The following SMARCC1 variants were observed in gnomAD, a reference collection of about 807,000 sequenced individuals.
SMARCC1 encodes SWI/SNF related BAF chromatin remodeling complex subunit C1.
Under a neutral mutation model 147.4 loss-of-function variants are expected in SMARCC1, and 43 were observed. The ratio of observed to expected loss-of-function variants is 0.29; its 90% CI spans 0.23 to 0.38. The LOEUF (loss-of-function observed/expected upper bound fraction) is 0.38, where lower values mean the gene tolerates loss of function less well. Ranked by LOEUF, SMARCC1 falls within the 10% of genes least tolerant of loss-of-function variation. The pLI is 1.00. For missense variants in SMARCC1, 1,119 were observed against 1,381.1 expected (o/e 0.81, Z 3.01); for synonymous variants, 495 against 484.4 (o/e 1.02, Z -0.29).
intron 2 of SMARCC1, among the ~76,000 whole-genome samples, chr3:47,749,611 G>GGA (rs2034603374): frequency 8.9e-6 from 1 of 112,448 alleles, no homozygotes; most frequent in Non-Finnish European, 2.0e-5. Context: ...AGGCTACAGT[G>GGA]AGCTGTGACC....
At chr3:47,590,225 G>A (rs1256318614) in intron 27 of SMARCC1, among the ~76,000 whole-genome samples, 1 of 152,136 alleles carries the variant, frequency 6.6e-6, no homozygotes, top group East Asian at 1.9e-4. Context: ...TAACAAAAAT[G>A]GCTATAAGAA....
intron 11 of SMARCC1, among the ~76,000 whole-genome samples, chr3:47,699,498 A>AGTG (rs1243648943): frequency 2.6e-5 from 4 of 152,054 alleles, no homozygotes; most frequent in African/African-American, 9.7e-5. Context: ...AGCTTCTCCT[A>AGTG]GTATTCTTAA....
At chr3:47,713,393 G>A (rs1432789060) in intron 8 of SMARCC1, among the ~76,000 whole-genome samples, 1 of 152,012 alleles carries the variant, frequency 6.6e-6, no homozygotes, top group Non-Finnish European at 1.5e-5. Context: ...ACCAAGTAGT[G>A]CTTTGTTTTG....
At chr3:47,623,383 CAACCATGCAACTT>C (rs1440675932) in intron 24 of SMARCC1, among the ~76,000 whole-genome samples, 1 of 152,044 alleles carries the variant, frequency 6.6e-6, no homozygotes, top group Non-Finnish European at 1.5e-5. Context: ...AACCTAGGAG[CAACCATGCAACTT>C]AATACAGGCT....
At chr3:47,618,121 A>G (rs2032672448) in intron 25 of SMARCC1, among the ~76,000 whole-genome samples, 1 of 152,188 alleles carries the variant, frequency 6.6e-6, no homozygotes, top group East Asian at 1.9e-4. Flanking sequence ...GAAGAATTCA[A>G]GCAGAGCAGC....
At chr3:47,699,338 A>G (rs1299398384) in intron 11 of SMARCC1, among the ~76,000 whole-genome samples, 6 of 152,138 alleles carry the variant, frequency 3.9e-5, no homozygotes, top group Non-Finnish European at 8.8e-5. Flanking sequence ...TTATTTTTTT[A>G]TCCTTTAATC....
chr3:47,689,547 A>T, intron 12 of SMARCC1, 123 bp from the exon 13 acceptor site: 2 of 754,136 alleles, frequency 2.7e-6, no homozygotes. Flanking sequence ...TGCATTATTA[A>T]AGCAAAATCA....
Position 47,587,667 on chromosome 3 carries a change from AGC to A in SMARCC1, c.*540_*541del, listed in dbSNP as rs2032093986. The A allele has an allele frequency of 6.5e-6, 1 of 152,806 alleles. No individual in the cohort carries two copies. The highest frequency in any genetic ancestry group is 1.5e-5 in the Non-Finnish European group (1 of 68,180). The allele number at this position is 152,806 out of a possible 1,614,324, so 9.5% of individuals were successfully genotyped here. ...AAACTTTACCATCAGCACCATTCTT[AGC>A]TCAGAAAAGCAGAAATAAGGTCACT... On this transcript the variant is annotated 3_prime_UTR_variant, in exon 28 of 28. Transcript: ENST00000254480.
At chr3:47,688,253 T>G (rs2033752200) in intron 13 of SMARCC1, among the ~76,000 whole-genome samples, 1 of 150,904 alleles carries the variant, frequency 6.6e-6, no homozygotes, top group South Asian at 2.1e-4. Flanking sequence ...AGAGCGAAAC[T>G]CCATCTCAAA....
intron 16 of SMARCC1, among the ~76,000 whole-genome samples, chr3:47,677,247 C>G (rs910116801): frequency 6.6e-6 from 1 of 151,544 alleles, no homozygotes; most frequent in African/African-American, 2.4e-5. Flanking sequence ...TTACAGGTGA[C>G]CATCACCATG....
chr3:47,681,516 G>C (rs2033644564), intron 14 of SMARCC1, among the ~76,000 whole-genome samples: 1 of 152,114 alleles, frequency 6.6e-6, no homozygotes, highest in Non-Finnish European at 1.5e-5. Flanking sequence ...TGTATATCTA[G>C]CACAAAGTTT....
intron 1 of SMARCC1, among the ~76,000 whole-genome samples, chr3:47,774,350 C>T (rs925908973): frequency 6.6e-6 from 1 of 151,528 alleles, no homozygotes. Flanking sequence ...TGGTGGCGCA[C>T]ACCTGTCCCC....
At chr3:47,664,178 TAA>T (rs869131579) in intron 19 of SMARCC1, among the ~76,000 whole-genome samples, 15 of 98,950 alleles carry the variant, frequency 1.5e-4, no homozygotes, top group Non-Finnish European at 1.7e-4. Context: ...TAATAAACTC[TAA>T]AAAAAAAAAA....
chr3:47,594,886 C>CA (rs2032245520), intron 26 of SMARCC1, among the ~76,000 whole-genome samples: 3 of 152,180 alleles, frequency 2.0e-5, no homozygotes, highest in Admixed American at 2.0e-4. Flanking sequence ...TGCTGCAGCA[C>CA]AGCAGGTAGA....
intron 21 of SMARCC1, among the ~76,000 whole-genome samples, chr3:47,659,766 G>GGGGC (rs1553680859): frequency 2.4e-5 from 3 of 123,458 alleles, no homozygotes; most frequent in Non-Finnish European, 3.4e-5. Context: ...AAAAAGGGGG[G>GGGGC]GGGGGCAAGA....
chr3:47,709,688 A>AAAAT (rs1204814515), intron 9 of SMARCC1, among the ~76,000 whole-genome samples: 51 of 152,240 alleles, frequency 3.3e-4, no homozygotes, highest in Non-Finnish European at 4.4e-4. Context: ...TCTGTCTCAA[A>AAAAT]AAATAAATAA....
intron 21 of SMARCC1, among the ~76,000 whole-genome samples, chr3:47,650,015 G>T (rs562693374): frequency 2.6e-5 from 4 of 152,214 alleles, no homozygotes; most frequent in African/African-American, 9.6e-5. Context: ...GGTGGCTCAC[G>T]CCTGTAATCC....
chr3:47,718,035 G>A (rs183521457), intron 7 of SMARCC1, among the ~76,000 whole-genome samples: 2 of 150,786 alleles, frequency 1.3e-5, no homozygotes, highest in East Asian at 1.9e-4. Flanking sequence ...TGGGTGGCAC[G>A]TGCCCGTAGT....
chr3:47,620,585 T>G (rs2032715900), intron 25 of SMARCC1, among the ~76,000 whole-genome samples: 1 of 152,222 alleles, frequency 6.6e-6, no homozygotes, highest in Non-Finnish European at 1.5e-5. Context: ...TTCTTACTTT[T>G]TATGACTTCC....
Sources: allele counts gnomAD v4.1 joint callset (sites outside exome capture counted in the v4.1 genomes callset), GRCh38; gene constraint gnomAD v4.1.1; transcripts MANE v1.5; gene names NCBI Gene and HGNC (gene_info 2026-07-23, HGNC 2026-07-21).